ABCB11: variants seen among roughly 807,000 people sequenced by gnomAD.
ABCB11 encodes bile salt export pump.
A neutral mutation model predicts 148.0 loss-of-function variants in ABCB11; 95 were observed. The observed-to-expected ratio is 0.64, with a 90% CI of 0.54 to 0.76. The LOEUF (loss-of-function observed/expected upper bound fraction) is 0.76. ABCB11 is among the 30% of genes least tolerant of loss of function. The pLI, the probability that ABCB11 is intolerant of heterozygous loss-of-function variation, is 0.00. For missense variants in ABCB11, 1,523 were observed against 1,617.8 expected, an observed-to-expected ratio of 0.94 and a Z score of 1.01; for synonymous variants, 591 against 555.4, an observed-to-expected ratio of 1.06 and a Z score of -0.90.
intron 10 of ABCB11, among the ~76,000 whole-genome samples, chr2:168,984,483 T>C (rs1439914104): frequency 6.6e-6 from 1 of 152,198 alleles, no homozygotes; most frequent in Non-Finnish European, 1.5e-5. Flanking sequence ...TTAGCTACTT[T>C]AGCACAAGTG....
rs118109635 is a variant in ABCB11, at chr2:168,944,621, G to A, written c.2594C>T (p.Ala865Val). The change falls in exon 21 of 28, where the codon GCT (alanine) becomes GTT (valine). Residue 865 changes from alanine (A) to valine (V), a missense_variant. Ala to Val is a moderately conservative substitution (Grantham distance 64). Transcript: ENST00000650372. ...ATAGCTCACCCCTTGAACTTGGGAA[G>A]CATCTGTAGCAAGTCTTGTTGTCAA... ...GALTTRLATD[A>V]SQVQGAAGSQ... The A allele has an allele frequency of 4.1e-4, 659 of 1,605,336 alleles. 5 individuals carry two copies. In the East Asian group the frequency reaches 0.011, roughly 28 times the overall value.
chr2:168,943,873 T>TA (rs1333832220), intron 21 of ABCB11, among the ~76,000 whole-genome samples: 1 of 152,040 alleles, frequency 6.6e-6, no homozygotes, highest in African/African-American at 2.4e-5. Context: ...TTTTGTTTTT[T>TA]AAAGAATTTA....
At chr2:169,007,312 A>G (rs1208737463) in intron 5 of ABCB11, among the ~76,000 whole-genome samples, 1 of 152,186 alleles carries the variant, frequency 6.6e-6, no homozygotes, top group Non-Finnish European at 1.5e-5. Context: ...ATAGGAATCA[A>G]TTTGGACCCC....
chr2:168,933,104 G>A (rs1213329251), intron 23 of ABCB11, among the ~76,000 whole-genome samples: 20 of 108,208 alleles, frequency 1.8e-4, no homozygotes, highest in Admixed American at 3.1e-4. Flanking sequence ...GCAAGACTCC[G>A]TCTCAAAAAA....
chr2:168,925,310 T>A (rs1054714143), intron 26 of ABCB11, among the ~76,000 whole-genome samples: 1 of 152,218 alleles, frequency 6.6e-6, no homozygotes, highest in African/African-American at 2.4e-5. Context: ...TTATTTAAAT[T>A]TTTTTGAGCT....
At chr2:168,969,325 A>G (rs777386028) in intron 16 of ABCB11, 25 bp downstream of exon 16, 4 of 1,589,356 alleles carry the variant, frequency 2.5e-6, no homozygotes, top group African/African-American at 1.3e-5. Flanking sequence ...AATATAACAT[A>G]CAAGTATAGG....
chr2:169,005,291 G>C (rs1045063335), intron 5 of ABCB11, among the ~76,000 whole-genome samples: 1 of 152,068 alleles, frequency 6.6e-6, no homozygotes, highest in African/African-American at 2.4e-5. Flanking sequence ...TTGGCTACCA[G>C]GGCAGGTAGA....
At chr2:168,960,897 C>T (rs1448527735) in intron 18 of ABCB11, among the ~76,000 whole-genome samples, 1 of 151,634 alleles carries the variant, frequency 6.6e-6, no homozygotes, top group Non-Finnish European at 1.5e-5. Flanking sequence ...ATCTCACAGA[C>T]AGGTAAAATT....
intron 5 of ABCB11, among the ~76,000 whole-genome samples, chr2:169,003,002 G>C (rs906684789): frequency 6.6e-6 from 1 of 151,800 alleles, no homozygotes; most frequent in African/African-American, 2.4e-5. Flanking sequence ...GTGGTGTTGG[G>C]TTACATGAAT....
chr2:168,965,016 A>AC (rs1027438547), intron 17 of ABCB11, among the ~76,000 whole-genome samples: 12 of 151,842 alleles, frequency 7.9e-5, no homozygotes, highest in African/African-American at 2.2e-4. Flanking sequence ...CCTGTACCAC[A>AC]CCCTAAGGTA....
intron 3 of ABCB11, among the ~76,000 whole-genome samples, chr2:169,015,380 AG>A (rs552688590): frequency 8.5e-4 from 129 of 152,162 alleles, no homozygotes; most frequent in African/African-American, 3.0e-3. Flanking sequence ...GGCCCAGAAA[AG>A]AATCCTAAAT....
intron 21 of ABCB11, among the ~76,000 whole-genome samples, chr2:168,940,910 C>T (rs1478198839): frequency 6.6e-6 from 1 of 152,110 alleles, no homozygotes. Flanking sequence ...GGCTGGATGA[C>T]AGCACATCTG....
intron 17 of ABCB11, among the ~76,000 whole-genome samples, chr2:168,967,647 G>A (rs1419266162): frequency 6.6e-6 from 1 of 151,756 alleles, no homozygotes; most frequent in African/African-American, 2.4e-5. Context: ...CAATCATAGA[G>A]ATATTGCTAC....
chr2:169,027,393 A>G (rs1344712906), intron 1 of ABCB11, among the ~76,000 whole-genome samples: 1 of 152,212 alleles, frequency 6.6e-6, no homozygotes, highest in East Asian at 1.9e-4. Flanking sequence ...CCTGCACACT[A>G]TATGCGCTTC....
At chr2:169,030,233 A>G (rs1695826153) in intron 1 of ABCB11, among the ~76,000 whole-genome samples, 1 of 152,104 alleles carries the variant, frequency 6.6e-6, no homozygotes, top group African/African-American at 2.4e-5. Flanking sequence ...TAGGAAACAA[A>G]AATTATTCAA....
chr2:168,952,985 C>A (rs1692636605), intron 19 of ABCB11, among the ~76,000 whole-genome samples: 1 of 151,480 alleles, frequency 6.6e-6, no homozygotes, highest in Non-Finnish European at 1.5e-5. Context: ...CAAGAGTATG[C>A]TGTTTAATTT....
At position 168,996,661 on chromosome 2, in the gene ABCB11, C is replaced by A. The variant is rs776561679; in HGVS notation, c.451G>T (p.Ala151Ser). Reference protein sequence around the residue: ...FASYYAGIAVAVLITGYIQIC... With the variant: ...FASYYAGIAVSVLITGYIQIC... ...TGAATATATCCTGTGATAAGTACTGCGACAGCAATTCCAGCATAGTAACTG... is the reference window on the plus strand; with the variant it reads ...TGAATATATCCTGTGATAAGTACTGAGACAGCAATTCCAGCATAGTAACTG... Residue 151 changes from alanine (A) to serine (S), a missense_variant, in exon 6 of 28, where the codon GCA becomes TCA. By Grantham distance (99) the Ala-to-Ser change is moderately conservative. Transcript: ENST00000650372. 1.9e-6 allele frequency: 3 copies of A among 1,563,176 alleles called. No homozygotes were observed. The highest frequency in any genetic ancestry group is 4.7e-5 in the East Asian group (2 of 42,788).
chr2:169,018,962 C>T lies in ABCB11; in HGVS notation c.-27-810G>A, dbSNP rs191762338. ...GCAGCTGGTATTTTCCCCTCAGCGT[C>T]TGGATGCTGACGAGTGTGAGAGTTT... is the stretch of plus-strand genomic sequence containing the variant. On this transcript the variant is annotated intron_variant, in intron 1 of 27. Transcript: ENST00000650372. 2.5e-4 allele frequency among the ~76,000 whole-genome samples: 38 copies of T among 152,238 alleles called. No homozygotes were observed. The East Asian group carries it at 6.2e-3, about 25-fold the overall frequency.
Position 168,996,684 on chromosome 2 carries a change from C to A in ABCB11, c.428G>T (p.Ser143Ile), listed in dbSNP as rs377591610. ...NIESEMIKFASYYAGIAVAVL... is the reference protein window; with the variant it reads ...NIESEMIKFAIYYAGIAVAVL... ...TGCGACAGCAATTCCAGCATAGTAA[C>A]TGGCAAATTTGATCATTTCGCTCTC... The change falls in exon 6 of 28, where the codon AGT becomes ATT. Residue 143 changes from serine to isoleucine, a missense_variant. Transcript: ENST00000650372. 6.3e-7 allele frequency: 1 copy of A among 1,574,982 alleles called. No individual in the cohort carries two copies.
Sources: allele counts gnomAD v4.1 joint callset (sites outside exome capture counted in the v4.1 genomes callset), GRCh38; gene constraint gnomAD v4.1.1; transcripts MANE v1.5; gene names NCBI Gene and HGNC (gene_info 2026-07-23, HGNC 2026-07-21).